Variants in GPC6 observed in about 807,000 individuals in gnomAD.
GPC6 encodes glypican 6.
A neutral mutation model predicts 55.2 loss-of-function variants in GPC6; 14 were observed. The observed-to-expected ratio is 0.25, with a 90% confidence interval of 0.17 to 0.40. The LOEUF is 0.40. Ranked by LOEUF, GPC6 falls within the 10% of genes least tolerant of loss-of-function variation. GPC6 has a pLI of 1.00. For synonymous variants in GPC6, 278 were observed against 259.6 expected, an observed-to-expected ratio of 1.07 and a Z score of -0.68; for missense variants, 641 against 708.5, an observed-to-expected ratio of 0.90 and a Z score of 1.08.
At chr13:93,255,247 C>T (rs542332815) in intron 1 of GPC6, among the ~76,000 whole-genome samples, 7 of 152,224 alleles carry the variant, frequency 4.6e-5, no homozygotes, top group South Asian at 2.1e-4. Flanking sequence ...TTTTCGGGTA[C>T]GCATGATAAT....
chr13:94,190,211 T>C (rs774046503), intron 4 of GPC6, among the ~76,000 whole-genome samples: 4 of 151,708 alleles, frequency 2.6e-5, no homozygotes, highest in Non-Finnish European at 5.9e-5. Flanking sequence ...TAATCCCAGC[T>C]ACTCAGGAGG....
At chr13:94,059,246 T>C (rs4773773) in intron 4 of GPC6, among the ~76,000 whole-genome samples, 45,064 of 151,714 alleles carry the variant, frequency 0.3, 7,503 homozygotes, top group Middle Eastern at 0.45. Flanking sequence ...TCAGACGCTG[T>C]TATTTAGGCA....
In GPC6 at chr13:94,156,278, A is replaced by G. The variant is rs887979036; in HGVS notation, c.877+128384A>G. The stretch of plus-strand genomic sequence containing the variant: ...TCAAGACAACAGTAGTCACAATATA[A>G]AGATACTTTTTAAGCAGATCCTTCA... On this transcript the variant is annotated intron_variant, in intron 4 of 8. Coordinates refer to ENST00000377047, the MANE Select transcript of GPC6 (RefSeq NM_005708.5). Among the ~76,000 whole-genome samples the G allele has an allele frequency of 3.3e-5, 5 of 152,326 alleles. No individual in the cohort carries two copies. In the South Asian group the frequency reaches 6.2e-4, roughly 19 times the overall value.
intron 6 of GPC6, among the ~76,000 whole-genome samples, chr13:94,312,204 A>C (rs924907255): frequency 2.6e-5 from 4 of 152,242 alleles, no homozygotes; most frequent in African/African-American, 9.6e-5. Flanking sequence ...TTGTATATGA[A>C]TCTTCCAAAA....
intron 2 of GPC6, among the ~76,000 whole-genome samples, chr13:93,591,797 T>A (rs1291495501): frequency 6.6e-6 from 1 of 152,112 alleles, no homozygotes; most frequent in Non-Finnish European, 1.5e-5. Context: ...TTCCCATCAG[T>A]TTGGAAGTTA....
chr13:93,965,106 GTTTTTTTT>G (rs5805837), intron 3 of GPC6, among the ~76,000 whole-genome samples: 2 of 67,298 alleles, frequency 3.0e-5, no homozygotes, highest in Non-Finnish European at 5.6e-5. Context: ...CTATGAGTTT[GTTTTTTTT>G]TTTTTTTTTT....
At chr13:93,246,564 G>A (rs1876608097) in intron 1 of GPC6, among the ~76,000 whole-genome samples, 1 of 151,874 alleles carries the variant, frequency 6.6e-6, no homozygotes, top group Admixed American at 6.6e-5. Context: ...TAGCACTTGT[G>A]AAATGAACTT....
chr13:94,346,084 G>C (rs1034388608), intron 6 of GPC6, among the ~76,000 whole-genome samples: 37 of 152,174 alleles, frequency 2.4e-4, no homozygotes, highest in African/African-American at 8.4e-4. Context: ...CTGCATGTCT[G>C]TGTCTGTGGT....
At chr13:93,916,294 T>C (rs1877289308) in intron 3 of GPC6, among the ~76,000 whole-genome samples, 1 of 152,158 alleles carries the variant, frequency 6.6e-6, no homozygotes, top group Non-Finnish European at 1.5e-5. Flanking sequence ...CTATGACAAA[T>C]GTAAGACTGT....
intron 6 of GPC6, among the ~76,000 whole-genome samples, chr13:94,323,583 GA>G (rs1876956359): frequency 6.6e-6 from 1 of 152,152 alleles, no homozygotes; most frequent in African/African-American, 2.4e-5. Context: ...GCACTGGAGG[GA>G]AAGGGTAGGA....
chr13:93,828,226 T>G (rs200508897), intron 2 of GPC6, among the ~76,000 whole-genome samples: 1 of 152,178 alleles, frequency 6.6e-6, no homozygotes, highest in East Asian at 1.9e-4. Context: ...TATTTTTCAA[T>G]TCAGTGATTT....
intron 4 of GPC6, among the ~76,000 whole-genome samples, chr13:94,141,671 T>C (rs1887382666): frequency 6.6e-6 from 1 of 152,146 alleles, no homozygotes; most frequent in South Asian, 2.1e-4. Flanking sequence ...TAGTTAATAA[T>C]TGAAAAATTA....
intron 3 of GPC6, among the ~76,000 whole-genome samples, chr13:93,874,237 G>T (rs907735680): frequency 6.6e-6 from 1 of 151,550 alleles, no homozygotes; most frequent in Non-Finnish European, 1.5e-5. Flanking sequence ...TTCCATCATT[G>T]TTCCTTCTTT....
intron 1 of GPC6, among the ~76,000 whole-genome samples, chr13:93,273,827 G>T (rs1877633478): frequency 6.7e-6 from 1 of 150,234 alleles, no homozygotes; most frequent in Non-Finnish European, 1.5e-5. Flanking sequence ...TTTATTTTTT[G>T]AGACAGAGTC....
At chr13:94,194,439 A>C (rs768119617) in intron 4 of GPC6, among the ~76,000 whole-genome samples, 6 of 152,140 alleles carry the variant, frequency 3.9e-5, no homozygotes, top group African/African-American at 7.2e-5. Context: ...GTGTGTGTTA[A>C]TGGCATTCAC....
intron 4 of GPC6, among the ~76,000 whole-genome samples, chr13:94,226,837 C>A (rs1055377889): frequency 1.3e-5 from 2 of 152,150 alleles, no homozygotes; most frequent in African/African-American, 4.8e-5. Flanking sequence ...AGGGTTGTAC[C>A]ATCCAGGCCT....
intron 3 of GPC6, among the ~76,000 whole-genome samples, chr13:93,893,962 A>AAATGT (rs1489822693): frequency 6.6e-6 from 1 of 152,214 alleles, no homozygotes; most frequent in African/African-American, 2.4e-5. Flanking sequence ...GTCCACATGC[A>AAATGT]GCTCATGTAA....
At chr13:94,320,550 T>C (rs1181862513) in intron 6 of GPC6, among the ~76,000 whole-genome samples, 2 of 152,208 alleles carry the variant, frequency 1.3e-5, no homozygotes, top group Non-Finnish European at 2.9e-5. Context: ...GGATTTTCCC[T>C]TGGGAACCCC....
intron 1 of GPC6, among the ~76,000 whole-genome samples, chr13:93,469,983 G>C (rs1427189663): frequency 6.6e-6 from 1 of 152,080 alleles, no homozygotes; most frequent in Non-Finnish European, 1.5e-5. Flanking sequence ...TGGTCAATGT[G>C]TATATCCTCC....
Sources: gnomAD v4.1 joint callset for allele counts (sites outside exome capture counted in the v4.1 genomes callset) on GRCh38, gnomAD v4.1.1 for gene constraint, MANE v1.5 for transcripts, NCBI Gene and HGNC (gene_info 2026-07-23, HGNC 2026-07-21) for gene names.